The following ATP8B4 variants were observed in gnomAD, a reference collection of about 807,000 sequenced individuals.
The protein encoded by ATP8B4 is probable phospholipid-transporting ATPase IM.
ATP8B4 carries 133 observed loss-of-function variants against 145.6 expected under a neutral mutation model. The observed-to-expected ratio is 0.91, with a 90% CI of 0.79 to 1.05. ATP8B4 has a LOEUF of 1.05. Among genes scored for constraint, ATP8B4 ranks in the 50% least tolerant of loss-of-function variants. The probability of loss-of-function intolerance (pLI) is 0.00; values close to 1 mark genes in which losing one functional copy is unlikely to be tolerated. For synonymous variants in ATP8B4, 507 were observed against 492.9 expected (o/e 1.03, Z -0.38); for missense variants, 1,458 against 1,425.2 (o/e 1.02, Z -0.37).
chr15:49,934,166 T>C lies in ATP8B4; in HGVS notation c.1304A>G (p.Asp435Gly). Reference protein sequence around the residue: ...TEITQEKEPVDFSVKSQADRE... With the variant: ...TEITQEKEPVGFSVKSQADRE... ...ATCCGCTTGAGATTTGACTGAGAAA[T>C]CCACAGGCTCTTTTTCCTGTAGGAG... is the stretch of plus-strand genomic sequence containing the variant. The change falls in exon 15 of 28, where the codon GAT becomes GGT. Residue 435 changes from aspartate to glycine, a missense_variant. Physicochemically the swap from Asp to Gly is moderately conservative, Grantham distance 94 (BLOSUM62 -1). Coordinates refer to ENST00000284509, the MANE Select transcript of ATP8B4 (RefSeq NM_024837.4). The C allele has an allele frequency of 2.5e-6, 4 of 1,610,266 alleles. No homozygotes were observed. The South Asian group carries it at 4.4e-5, about 18-fold the overall frequency.
At chr15:49,961,884 G>T in intron 14 of ATP8B4, 93 bp downstream of exon 14, 2 of 1,069,762 alleles carry the variant, frequency 1.9e-6, no homozygotes, top group Non-Finnish European at 1.4e-6. Flanking sequence ...ATCTGGTCTT[G>T]GTGGAAATCA....
intron 1 of ATP8B4, among the ~76,000 whole-genome samples, chr15:50,116,606 G>C (rs10519260): frequency 0.041 from 6,294 of 152,254 alleles, 193 homozygotes; most frequent in Non-Finnish European, 0.068. Context: ...GAAAGGACAA[G>C]AACAAAGAGA....
chr15:50,029,008 G>T (rs554865689), intron 6 of ATP8B4, among the ~76,000 whole-genome samples: 23 of 152,152 alleles, frequency 1.5e-4, no homozygotes, highest in African/African-American at 5.3e-4. Flanking sequence ...GCCGAGGCAG[G>T]CGGATCATGA....
chr15:50,053,070 A>C (rs920839372), intron 3 of ATP8B4, among the ~76,000 whole-genome samples: 3 of 152,216 alleles, frequency 2.0e-5, no homozygotes, highest in African/African-American at 7.2e-5. Context: ...CACAGCTTGG[A>C]TCAGGGTGGG....
At chr15:49,903,309 G>A (rs944211693) in intron 20 of ATP8B4, among the ~76,000 whole-genome samples, 3 of 152,160 alleles carry the variant, frequency 2.0e-5, no homozygotes, top group Non-Finnish European at 2.9e-5. Flanking sequence ...TTTTTGAAGC[G>A]TACACACAAT....
intron 1 of ATP8B4, among the ~76,000 whole-genome samples, chr15:50,115,610 G>T (rs2057139500): frequency 6.6e-6 from 1 of 151,948 alleles, no homozygotes; most frequent in Non-Finnish European, 1.5e-5. Context: ...AGCAGTGATA[G>T]TCATGGCAAG....
intron 14 of ATP8B4, among the ~76,000 whole-genome samples, chr15:49,942,278 AT>A (rs1439744742): frequency 1.3e-5 from 2 of 152,110 alleles, no homozygotes; most frequent in Non-Finnish European, 2.9e-5. Flanking sequence ...ACAGAAAAAA[AT>A]AATAAAAGAT....
intron 3 of ATP8B4, 97 bp from the exon 4 acceptor site, chr15:50,047,561 A>G (rs2051819630): frequency 1.3e-6 from 1 of 772,310 alleles, no homozygotes; most frequent in Non-Finnish European, 2.2e-6. Context: ...AGTAAGAAAG[A>G]TAAGCCGGTT....
At chr15:49,944,058 C>T (rs569581478) in intron 14 of ATP8B4, among the ~76,000 whole-genome samples, 2 of 151,260 alleles carry the variant, frequency 1.3e-5, no homozygotes, top group African/African-American at 4.9e-5. Context: ...AGAAAAAGTA[C>T]CTATAGAACT....
At chr15:50,061,985 A>G (rs1485890517) in intron 3 of ATP8B4, among the ~76,000 whole-genome samples, 2 of 152,200 alleles carry the variant, frequency 1.3e-5, no homozygotes, top group African/African-American at 4.8e-5. Context: ...GTAATGTCTA[A>G]TACTGTTATT....
At chr15:50,048,215 C>G (rs567726303) in intron 3 of ATP8B4, among the ~76,000 whole-genome samples, 46 of 151,998 alleles carry the variant, frequency 3.0e-4, no homozygotes, top group Admixed American at 2.6e-3. Context: ...TGGGAAGGCT[C>G]ACACCTGAGG....
intron 14 of ATP8B4, among the ~76,000 whole-genome samples, chr15:49,940,394 C>T (rs753094571): frequency 1.3e-5 from 2 of 152,086 alleles, no homozygotes; most frequent in African/African-American, 4.8e-5. Flanking sequence ...GGGACTGCTA[C>T]AGCAGGGAGG....
At chr15:50,048,333 C>T (rs28527288) in intron 3 of ATP8B4, among the ~76,000 whole-genome samples, 94 of 152,180 alleles carry the variant, frequency 6.2e-4, no homozygotes, top group African/African-American at 2.1e-3. Flanking sequence ...AGAAACACCG[C>T]GGAATGCCTC....
intron 23 of ATP8B4, among the ~76,000 whole-genome samples, chr15:49,881,631 G>GATAAT (rs2035437764): frequency 6.6e-6 from 1 of 152,136 alleles, no homozygotes; most frequent in African/African-American, 2.4e-5. Flanking sequence ...CCTGCAGAAG[G>GATAAT]GCAGGGCAGT....
intron 3 of ATP8B4, among the ~76,000 whole-genome samples, chr15:50,059,055 C>A (rs911335508): frequency 2.0e-5 from 3 of 152,076 alleles, no homozygotes; most frequent in African/African-American, 4.8e-5. Context: ...GTGATTATAT[C>A]ATGCACAACG....
chr15:49,945,562 G>T (rs1367670934), intron 14 of ATP8B4, among the ~76,000 whole-genome samples: 1 of 151,992 alleles, frequency 6.6e-6, no homozygotes, highest in Non-Finnish European at 1.5e-5. Flanking sequence ...CACAAGAAAA[G>T]TATATATAAG....
At chr15:50,069,859 A>T (rs149102576) in intron 3 of ATP8B4, among the ~76,000 whole-genome samples, 2 of 152,284 alleles carry the variant, frequency 1.3e-5, no homozygotes, top group Non-Finnish European at 2.9e-5. Flanking sequence ...ATGGAGCCCC[A>T]TCTTCATCTC....
Position 49,929,540 on chromosome 15 carries a change from C to T in ATP8B4, c.1642+1579G>A, listed in dbSNP as rs78654826. Among the ~76,000 whole-genome samples, 919 of 152,040 alleles carry T rather than the reference C, an allele frequency of 6.0e-3. 14 individuals carry two copies. Among genetic ancestry groups the T allele is most frequent in the African/African-American group, 0.022 (893 of 41,498 alleles). On this transcript the variant is annotated intron_variant, in intron 16 of 27. Coordinates refer to ENST00000284509, the MANE Select transcript of ATP8B4 (RefSeq NM_024837.4). Reference sequence around the variant, plus strand: ...GTGTGTTTGGACTCTAGAAAGAGATCGAAGCTAAACAGCTGTATAAGAAGG... The same window carrying T: ...GTGTGTTTGGACTCTAGAAAGAGATTGAAGCTAAACAGCTGTATAAGAAGG...
intron 6 of ATP8B4, among the ~76,000 whole-genome samples, chr15:50,024,967 C>T (rs946940982): frequency 3.9e-5 from 6 of 152,176 alleles, no homozygotes; most frequent in African/African-American, 1.4e-4. Flanking sequence ...TGCACAAACA[C>T]ACAATATATG....
Sources: allele counts gnomAD v4.1 joint callset (sites outside exome capture counted in the v4.1 genomes callset), GRCh38; gene constraint gnomAD v4.1.1; transcripts MANE v1.5; gene names NCBI Gene and HGNC (gene_info 2026-07-23, HGNC 2026-07-21).